The following ENAH variants were observed in gnomAD, a reference collection of about 807,000 sequenced individuals.
The protein encoded by ENAH is ENAH actin regulator.
A neutral mutation model predicts 78.7 loss-of-function variants in ENAH; 23 were observed. The observed-to-expected ratio is 0.29, with a 90% confidence interval of 0.21 to 0.41. The LOEUF (loss-of-function observed/expected upper bound fraction) is 0.41. Among genes scored for constraint, ENAH ranks in the 10% least tolerant of loss-of-function variants. The pLI, the probability that ENAH is intolerant of heterozygous loss-of-function variation, is 1.00. For missense variants in ENAH, 544 were observed against 691.0 expected (o/e 0.79, Z 2.39); for synonymous variants, 226 against 241.0 (o/e 0.94, Z 0.58).
intron 1 of ENAH, among the ~76,000 whole-genome samples, chr1:225,603,705 T>C (rs2096941403): frequency 6.6e-6 from 1 of 152,158 alleles, no homozygotes; most frequent in Non-Finnish European, 1.5e-5. Flanking sequence ...TTGAAATCAA[T>C]CAGAAGGACT....
chr1:225,586,241 C>CAAAAAAAAAA (rs34817622), intron 1 of ENAH, among the ~76,000 whole-genome samples: 3 of 100,632 alleles, frequency 3.0e-5, no homozygotes, highest in Non-Finnish European at 5.6e-5. Context: ...GAGACAAGCT[C>CAAAAAAAAAA]AAAAAAAAAA....
chr1:225,536,547 G>C (rs917268883), intron 3 of ENAH, among the ~76,000 whole-genome samples: 2 of 151,958 alleles, frequency 1.3e-5, no homozygotes, highest in Non-Finnish European at 2.9e-5. Context: ...CTGGGGCTTA[G>C]GAAAGCCCAC....
intron 3 of ENAH, among the ~76,000 whole-genome samples, chr1:225,537,119 A>G (rs1433180657): frequency 6.6e-6 from 1 of 152,028 alleles, no homozygotes; most frequent in Admixed American, 6.6e-5. Flanking sequence ...CCTTTATTCC[A>G]TATTTAAAGA....
intron 1 of ENAH, among the ~76,000 whole-genome samples, chr1:225,576,075 C>G (rs1045810059): frequency 2.6e-5 from 4 of 152,076 alleles, no homozygotes; most frequent in African/African-American, 9.7e-5. Flanking sequence ...AGCTGTGCAG[C>G]CTGGGCAACA....
chr1:225,523,981 T>C (rs1173311949), intron 4 of ENAH, among the ~76,000 whole-genome samples: 1 of 152,212 alleles, frequency 6.6e-6, no homozygotes, highest in African/African-American at 2.4e-5. Flanking sequence ...CCTGACGGAC[T>C]ACTTTAATTT....
chr1:225,564,377 C>T (rs540477298), intron 2 of ENAH, among the ~76,000 whole-genome samples: 1 of 152,084 alleles, frequency 6.6e-6, no homozygotes, highest in East Asian at 1.9e-4. Flanking sequence ...GCAACCTCCG[C>T]TCCCAGGTAC....
chr1:225,535,758 C>A (rs988678781), intron 3 of ENAH, among the ~76,000 whole-genome samples: 9 of 152,062 alleles, frequency 5.9e-5, no homozygotes, highest in Non-Finnish European at 1.2e-4. Context: ...AAAATTTATG[C>A]AATCGTTTTT....
chr1:225,648,872 C>A (rs1263048343), intron 1 of ENAH, among the ~76,000 whole-genome samples: 1 of 150,460 alleles, frequency 6.6e-6, no homozygotes. Context: ...TTTATGATTA[C>A]CACAAATAAA....
At chr1:225,520,914 A>AAGGGAGGAAGGGAGGGAGGG (rs1470598258) in intron 4 of ENAH, among the ~76,000 whole-genome samples, 1 of 90,958 alleles carries the variant, frequency 1.1e-5, no homozygotes, top group Non-Finnish European at 2.2e-5. Context: ...GAAGGGAAGG[A>AAGGGAGGAAGGGAGGGAGGG]AGGGAGGAAG....
chr1:225,614,289 C>CCTCA (rs367833854), intron 1 of ENAH, among the ~76,000 whole-genome samples: 2 of 152,104 alleles, frequency 1.3e-5, no homozygotes, highest in African/African-American at 4.8e-5. Flanking sequence ...GAACTCCTGA[C>CCTCA]CTCAGGTGAT....
intron 13 of ENAH, among the ~76,000 whole-genome samples, chr1:225,498,037 G>C (rs1473978511): frequency 6.6e-6 from 1 of 151,932 alleles, no homozygotes; most frequent in Non-Finnish European, 1.5e-5. Context: ...GATTATGTGG[G>C]CTCAAAAACA....
intron 1 of ENAH, among the ~76,000 whole-genome samples, chr1:225,574,619 A>AAAAAAAAGATTGTGCATTCAGATAC (rs1575581608): frequency 4.2e-4 from 12 of 28,442 alleles, no homozygotes; most frequent in South Asian, 1.8e-3. Flanking sequence ...TATAAAAAAA[A>AAAAAAAAGATTGTGCATTCAGATAC]GGCCGGGCGC....
chr1:225,504,085 C>T (rs967263079), intron 11 of ENAH, among the ~76,000 whole-genome samples: 1 of 151,710 alleles, frequency 6.6e-6, no homozygotes, highest in Non-Finnish European at 1.5e-5. Context: ...TGGCTCACTG[C>T]AGCCTCTAAC....
chr1:225,633,240 C>T (rs1005762532), intron 1 of ENAH, among the ~76,000 whole-genome samples: 25 of 150,610 alleles, frequency 1.7e-4, no homozygotes, highest in Non-Finnish European at 3.2e-4. Flanking sequence ...TTATTAGAGA[C>T]GGGGTTTCAC....
At chr1:225,571,372 C>CA (rs79811266) in intron 1 of ENAH, among the ~76,000 whole-genome samples, 13 of 146,376 alleles carry the variant, frequency 8.9e-5, no homozygotes, top group Admixed American at 1.4e-4. Context: ...GACTCTGTCT[C>CA]AAAAAAAAAG....
At chr1:225,559,181 G>A (rs990070284) in intron 2 of ENAH, among the ~76,000 whole-genome samples, 7 of 152,036 alleles carry the variant, frequency 4.6e-5, no homozygotes, top group Non-Finnish European at 1.0e-4. Flanking sequence ...ATTTCATCGT[G>A]ATTTCTTCTC....
rs1342567035 is a variant in ENAH at position 225,492,844 on chromosome 1, T to G, written c.*4931A>C. The stretch of plus-strand genomic sequence containing the variant: ...ACATTCTTACAACATCCTAAGTCAT[T>G]ATGACAGTCATTTATCCTTTTACAA... On this transcript the variant is annotated 3_prime_UTR_variant, in exon 14 of 14. Coordinates refer to ENST00000366843, the MANE Select transcript of ENAH (RefSeq NM_018212.6). 1 of 6,412 alleles carries G rather than the reference T, an allele frequency of 1.6e-4. No homozygotes were observed. Among genetic ancestry groups the G allele is most frequent in the Non-Finnish European group, 2.8e-4 (1 of 3,546 alleles). The allele number at this position is 6,412 out of a possible 1,614,324, so 0.4% of individuals were successfully genotyped here. A position where few individuals can be genotyped will look rare whatever the true frequency, so the allele number is the denominator to read the frequency against.
chr1:225,558,924 C>T (rs779170012), intron 2 of ENAH, among the ~76,000 whole-genome samples: 28 of 152,162 alleles, frequency 1.8e-4, no homozygotes, highest in African/African-American at 5.5e-4. Flanking sequence ...TAAGCCACTG[C>T]GCCTGGCCTG....
chr1:225,601,214 A>C lies in ENAH; in HGVS notation c.6-33800T>G, dbSNP rs548390930. 7.9e-5 allele frequency among the ~76,000 whole-genome samples: 12 copies of C among 152,318 alleles called. No homozygotes were observed. The South Asian group carries it at 2.5e-3, about 32-fold the overall frequency. ...AAGCAAAAAAATTCAAGTTCTCAAC[A>C]GTACAAACAGAAGGTTCCAATTACG... On this transcript the variant is annotated intron_variant, in intron 1 of 13. Coordinates refer to ENST00000366843, the MANE Select transcript of ENAH (RefSeq NM_018212.6).
Sources: gnomAD v4.1 joint callset for allele counts (sites outside exome capture counted in the v4.1 genomes callset) on GRCh38, gnomAD v4.1.1 for gene constraint, MANE v1.5 for transcripts, NCBI Gene and HGNC (gene_info 2026-07-23, HGNC 2026-07-21) for gene names.